The following GPALPP1 variants were observed in gnomAD, a reference collection of about 807,000 sequenced individuals.
The protein encoded by GPALPP1 is GPALPP motifs containing 1.
A neutral mutation model predicts 38.9 loss-of-function variants in GPALPP1; 30 were observed. The ratio of observed to expected loss-of-function variants is 0.77; its 90% CI spans 0.58 to 1.05. The LOEUF (loss-of-function observed/expected upper bound fraction) is 1.05, where lower values mean the gene tolerates loss of function less well. Among genes scored for constraint, GPALPP1 ranks in the 50% least tolerant of loss-of-function variants. The probability of loss-of-function intolerance (pLI) is 0.00; values close to 1 mark genes in which losing one functional copy is unlikely to be tolerated. For missense variants in GPALPP1, 384 were observed against 408.8 expected (o/e 0.94, Z 0.52); for synonymous variants, 120 against 139.2 (o/e 0.86, Z 0.97).
intron 1 of GPALPP1, 40 bp downstream of exon 1, chr13:44,989,782 C>T (rs777520595): frequency 1.4e-6 from 2 of 1,467,520 alleles, no homozygotes; most frequent in East Asian, 2.3e-5. Flanking sequence ...GGCCCATCTA[C>T]CCACTCCCTG....
intron 1 of GPALPP1, among the ~76,000 whole-genome samples, chr13:44,995,706 T>C (rs928682437): frequency 3.3e-5 from 5 of 152,170 alleles, no homozygotes; most frequent in African/African-American, 1.2e-4. Flanking sequence ...CTGTCTTCTG[T>C]AGCAGTGCAC....
In GPALPP1 at chr13:45,019,083, A is replaced by ATT. The variant is rs1555256375; in HGVS notation, c.706-1246_706-1245insTT. On this transcript the variant is annotated intron_variant, in intron 6 of 7. Transcript: ENST00000379151. ...TATACATATAAATATATACATATAAATATATGTATATATATTTATATATAT... is the reference window on the plus strand; with the variant it reads ...TATACATATAAATATATACATATAAATTTATATGTATATATATTTATATATAT... 7.6e-5 allele frequency among the ~76,000 whole-genome samples: 9 copies of ATT among 118,568 alleles called. 2 individuals are homozygous for ATT. Among genetic ancestry groups the ATT allele is most frequent in the Non-Finnish European group, 1.0e-4 (6 of 60,298 alleles). The allele number at this position is 118,568 out of a possible 152,430, so 77.8% of individuals were successfully genotyped here.
At chr13:45,006,376 A>ATTC in intron 3 of GPALPP1, 73 bp downstream of exon 3, 2 of 707,048 alleles carry the variant, frequency 2.8e-6, no homozygotes, top group Non-Finnish European at 4.8e-6. Flanking sequence ...TGAATTAAAG[A>ATTC]ATTGTCTGAA....
At chr13:45,011,539 G>A (rs1041828470) in intron 4 of GPALPP1, among the ~76,000 whole-genome samples, 2 of 152,128 alleles carry the variant, frequency 1.3e-5, no homozygotes, top group Admixed American at 6.5e-5. Context: ...TGAGTGCCCA[G>A]CGAAGGGGGA....
At position 45,014,946 on chromosome 13, in the gene GPALPP1, TA is replaced by T. The variant is rs752280553; in HGVS notation, c.409-2del. The T allele has an allele frequency of 1.3e-6, 2 of 1,577,064 alleles. No homozygotes were observed. The highest frequency in any genetic ancestry group is 1.4e-5 in the African/African-American group (1 of 73,418). ...TTGGTTTAAAGGTAATGTCTTGTTTTAAAAGGAAACAGACAGCAGTGAAGAT... is the reference window on the plus strand; with the variant it reads ...TTGGTTTAAAGGTAATGTCTTGTTTTAAAGGAAACAGACAGCAGTGAAGAT... On this transcript the variant is annotated splice_polypyrimidine_tract_variant and splice_region_variant and intron_variant, in intron 4 of 7. Transcript: ENST00000379151.
At chr13:45,002,668 C>G (rs1206813410) in intron 1 of GPALPP1, among the ~76,000 whole-genome samples, 1 of 152,150 alleles carries the variant, frequency 6.6e-6, no homozygotes, top group Non-Finnish European at 1.5e-5. Flanking sequence ...GTAACTTATC[C>G]AAATCACACA....
chr13:45,019,800 G>T (rs1360186236), intron 6 of GPALPP1, among the ~76,000 whole-genome samples: 3 of 148,732 alleles, frequency 2.0e-5, no homozygotes, highest in Non-Finnish European at 4.4e-5. Flanking sequence ...TGAGTGGAGT[G>T]GGTTTTTTTT....
intron 1 of GPALPP1, among the ~76,000 whole-genome samples, chr13:44,991,396 G>A (rs1229907191): frequency 2.0e-5 from 3 of 151,564 alleles, no homozygotes; most frequent in African/African-American, 2.4e-5. Flanking sequence ...GCGGTGAGCC[G>A]AGATCGCGCC....
chr13:44,996,171 A>G (rs1423323476), intron 1 of GPALPP1, among the ~76,000 whole-genome samples: 1 of 152,076 alleles, frequency 6.6e-6, no homozygotes, highest in African/African-American at 2.4e-5. Flanking sequence ...CCTAGGCAAC[A>G]TAGTAAGACC....
rs1593376091 is a variant in GPALPP1, at chr13:44,989,747, G to A, written c.88+5G>A. ...AAGAGCGGGACCCGAGCCCTGGTAA[G>A]CGGCGGCGTCTCCGCTGCCCACCAG... is the stretch of plus-strand genomic sequence containing the variant. On this transcript the variant is annotated splice_donor_5th_base_variant and intron_variant, in intron 1 of 7. Coordinates refer to ENST00000379151, the MANE Select transcript of GPALPP1 (RefSeq NM_018559.5). 1.9e-6 allele frequency: 3 copies of A among 1,604,200 alleles called. No homozygotes were observed. Among genetic ancestry groups the A allele is most frequent in the South Asian group, 2.2e-5 (2 of 90,970 alleles).
At chr13:45,018,986 C>CATATAAAT (rs71070952) in intron 6 of GPALPP1, among the ~76,000 whole-genome samples, 3 of 102,818 alleles carry the variant, frequency 2.9e-5, no homozygotes, top group African/African-American at 5.7e-5. Context: ...AATATATATA[C>CATATAAAT]ATATAAATAT....
rs147252479 is a variant in GPALPP1, at chr13:45,015,462, T to C, written c.571T>C (p.Trp191Arg). The change falls in exon 6 of 8, where the codon TGG becomes CGG. Residue 191 changes from tryptophan (W) to arginine (R), a missense_variant. Transcript: ENST00000379151. ...ATCTAAACCCATTGTAAGAGAGTCA[T>C]GGATGACTGAACTTCCTCCAGAAAT... Reference protein sequence around the residue: ...DSSKPIVRESWMTELPPEMKD... With the variant: ...DSSKPIVRESRMTELPPEMKD... The C allele has an allele frequency of 1.2e-6, 2 of 1,604,564 alleles. No individual in the cohort carries two copies. Among genetic ancestry groups the C allele is most frequent in the African/African-American group, 2.7e-5 (2 of 74,230 alleles).
Position 45,028,202 on chromosome 13 carries a change from A to T in GPALPP1, c.*199A>T. 1 of 340,674 alleles carries T rather than the reference A, an allele frequency of 2.9e-6. No homozygotes were observed. Among genetic ancestry groups the T allele is most frequent in the Non-Finnish European group, 5.2e-6 (1 of 191,426 alleles). The allele number at this position is 340,674 out of a possible 1,614,324, so 21.1% of individuals were successfully genotyped here. A position where few individuals can be genotyped will look rare whatever the true frequency, so the allele number is the denominator to read the frequency against. The stretch of plus-strand genomic sequence containing the variant: ...ATATGTCTTACTGGAAAAATCCCTC[A>T]TAATAACCTAATAGGGCATTGCTAT... On this transcript the variant is annotated 3_prime_UTR_variant, in exon 8 of 8. Transcript: ENST00000379151.
At chr13:45,037,351 A>T (rs1876422993) in exon 8 of GPALPP1, 1 of 152,234 alleles carries the variant, frequency 6.6e-6, no homozygotes, top group Non-Finnish European at 1.5e-5. Flanking sequence ...GCTGAAAGCA[A>T]CACATTTTGC....
At chr13:45,000,259 T>C (rs1873575671) in intron 1 of GPALPP1, among the ~76,000 whole-genome samples, 1 of 151,898 alleles carries the variant, frequency 6.6e-6, no homozygotes, top group Non-Finnish European at 1.5e-5. Context: ...CTCAAAAAAA[T>C]AAATAAAATA....
At chr13:44,994,217 C>CA (rs1165851530) in intron 1 of GPALPP1, among the ~76,000 whole-genome samples, 11,070 of 60,470 alleles carry the variant, frequency 0.18, 969 homozygotes, top group East Asian at 0.29. Context: ...GACCCTGTCT[C>CA]AAAAAAAAAA....
intron 4 of GPALPP1, among the ~76,000 whole-genome samples, chr13:45,009,567 C>G (rs1418617468): frequency 6.6e-6 from 1 of 152,182 alleles, no homozygotes; most frequent in Non-Finnish European, 1.5e-5. Flanking sequence ...AGCCATGGCA[C>G]AAACCCAGTT....
intron 6 of GPALPP1, among the ~76,000 whole-genome samples, chr13:45,018,906 T>A (rs1157997358): frequency 1.4e-5 from 2 of 145,584 alleles, no homozygotes; most frequent in Non-Finnish European, 1.5e-5. Context: ...TATATACATA[T>A]AAATATATAC....
chr13:45,025,198 A>G (rs748068886), intron 7 of GPALPP1, among the ~76,000 whole-genome samples: 14 of 152,378 alleles, frequency 9.2e-5, no homozygotes, highest in Admixed American at 1.3e-4. Flanking sequence ...TATACTTCTA[A>G]GAGTTAAGAA....
Sources: gnomAD v4.1 joint callset for allele counts (sites outside exome capture counted in the v4.1 genomes callset) on GRCh38, gnomAD v4.1.1 for gene constraint, MANE v1.5 for transcripts, NCBI Gene and HGNC (gene_info 2026-07-23, HGNC 2026-07-21) for gene names.